Variants in USP9Y observed in about 807,000 individuals in gnomAD.
The protein encoded by USP9Y is ubiquitin specific peptidase 9 Y-linked.
A neutral mutation model predicts 53.1 loss-of-function variants in USP9Y; 41 were observed. The ratio of observed to expected loss-of-function variants is 0.77; its 90% CI spans 0.60 to 1.00. The LOEUF is 1.00. USP9Y is among the 50% of genes least tolerant of loss of function. The pLI is 0.00. For synonymous variants in USP9Y, 220 were observed against 173.7 expected, an observed-to-expected ratio of 1.27 and a Z score of -2.09; for missense variants, 567 against 535.8, an observed-to-expected ratio of 1.06 and a Z score of -0.58.
chrY:12,705,297 TC>T (rs2053418683), intron 1 of USP9Y, among the ~76,000 whole-genome samples: 1 of 33,565 alleles, frequency 3.0e-5, no homozygotes. Context: ...TCTATTTTCA[TC>T]CCATTGTTTT....
Position 12,838,029 on chromosome Y carries a change from C to T in USP9Y, c.5314C>T (p.His1772Tyr), listed in dbSNP as rs748388233. 1.1e-5 allele frequency: 4 copies of T among 378,925 alleles called. No homozygotes were observed. The highest frequency in any genetic ancestry group is 1.5e-5 in the Non-Finnish European group (4 of 268,063). The allele number at this position is 378,925 out of a possible 400,897, so 94.5% of individuals were successfully genotyped here. A position where few individuals can be genotyped will look rare whatever the true frequency, so the allele number is the denominator to read the frequency against. ...GDLLEGANAY[H>Y]CEKCDKKVDT... ...TTTATTGGAAGGTGCAAATGCATAT[C>T]ATTGTGAAAAATGTGATAAAAAGGT... The change falls in exon 35 of 46, where the codon CAT becomes TAT. Residue 1772 changes from histidine (H) to tyrosine (Y), a missense_variant. His to Tyr is a moderately conservative substitution (Grantham distance 83). Coordinates refer to ENST00000338981, the MANE Select transcript of USP9Y (RefSeq NM_004654.4).
intron 42 of USP9Y, among the ~76,000 whole-genome samples, chrY:12,853,012 A>C: frequency 3.0e-5 from 1 of 33,523 alleles, no homozygotes; most frequent in Non-Finnish European, 7.4e-5. Context: ...TTGAGGAGGC[A>C]AACTGTCCAT....
chrY:12,775,847 G>GT (rs2053492061), intron 18 of USP9Y, among the ~76,000 whole-genome samples: 13 of 30,999 alleles, frequency 4.2e-4, no homozygotes, highest in East Asian at 1.7e-3. Flanking sequence ...CTAGGCATTT[G>GT]TTTTTTTTTG....
At chrY:12,723,152 C>T (rs2053437359) in intron 5 of USP9Y, among the ~76,000 whole-genome samples, 1 of 29,253 alleles carries the variant, frequency 3.4e-5, no homozygotes. Flanking sequence ...AGAGTTGAAG[C>T]GTTTTTCTTA....
intron 7 of USP9Y, among the ~76,000 whole-genome samples, chrY:12,727,071 A>C (rs2053443439): frequency 3.0e-5 from 1 of 33,792 alleles, no homozygotes; most frequent in African/African-American, 1.2e-4. Context: ...AGGAGAAGTC[A>C]GTATTTGCTA....
Position 12,760,489 on chromosome Y carries a change from C to A in USP9Y, c.1772C>A (p.Thr591Asn). ...FGEASQNLSQ[T>N]QRSPHIFYRH... ...TTAAGTTCTTCTTATTTCAGTCAAA[C>A]TCAGCGAAGTCCCCACATATTTTAT... The change falls in exon 15 of 46, where the codon ACT becomes AAT. Residue 591 changes from threonine (T) to asparagine (N), a missense_variant. By Grantham distance (65) the Thr-to-Asn change is moderately conservative (BLOSUM62 0). Coordinates refer to ENST00000338981, the MANE Select transcript of USP9Y (RefSeq NM_004654.4). 2.5e-6 allele frequency: 1 copy of A among 397,857 alleles called. No individual in the cohort carries two copies.
chrY:12,846,050 C>A, intron 39 of USP9Y, among the ~76,000 whole-genome samples: 1 of 33,038 alleles, frequency 3.0e-5, no homozygotes, highest in Non-Finnish European at 7.4e-5. Flanking sequence ...CTTCCAGCTT[C>A]TCTAGGCCCT....
intron 7 of USP9Y, among the ~76,000 whole-genome samples, chrY:12,733,836 A>G: frequency 3.0e-5 from 1 of 32,853 alleles, no homozygotes; most frequent in Non-Finnish European, 7.5e-5. Context: ...TGAGCATTTG[A>G]AAAAGCACTT....
chrY:12,703,473 C>T, intron 1 of USP9Y, among the ~76,000 whole-genome samples: 1 of 32,645 alleles, frequency 3.1e-5, no homozygotes, highest in South Asian at 7.2e-4. Context: ...TGTAGGCCTT[C>T]GCAGTGAGCA....
intron 42 of USP9Y, among the ~76,000 whole-genome samples, chrY:12,852,000 G>A (rs2053571554): frequency 3.1e-5 from 1 of 32,365 alleles, no homozygotes; most frequent in Non-Finnish European, 7.5e-5. Context: ...ATGTTCTTGG[G>A]GTTGCTGTTC....
At chrY:12,848,432 A>T (rs111547590) in intron 42 of USP9Y, among the ~76,000 whole-genome samples, 132 of 32,832 alleles carry the variant, frequency 4.0e-3, no homozygotes, top group African/African-American at 0.014. Flanking sequence ...GTTCACTATG[A>T]TGGTAGTTTC....
At chrY:12,721,963 T>A in intron 4 of USP9Y, 145 bp from the exon 5 acceptor site, 1 of 161,357 alleles carries the variant, frequency 6.2e-6, no homozygotes. Context: ...TGCCTACTTC[T>A]TTTTAGAAGT....
intron 45 of USP9Y, 115 bp from the exon 46 acceptor site, chrY:12,859,164 T>A: frequency 9.8e-6 from 2 of 204,363 alleles, no homozygotes; most frequent in Non-Finnish European, 1.6e-5. Flanking sequence ...TTTTTTTTTT[T>A]AAAGATCCAG....
At chrY:12,747,594 C>A in intron 12 of USP9Y, among the ~76,000 whole-genome samples, 1 of 34,255 alleles carries the variant, frequency 2.9e-5, no homozygotes, top group African/African-American at 1.1e-4. Context: ...TAAAAAAATT[C>A]TTTTTCATTA....
Position 12,709,444 on chromosome Y carries a change from A to G in USP9Y, c.-4A>G. 1.0e-5 allele frequency: 4 copies of G among 391,800 alleles called. No individual in the cohort carries two copies. Among genetic ancestry groups the G allele is most frequent in the Non-Finnish European group, 1.4e-5 (4 of 278,912 alleles). ...AAAGAGCAAAGATCTGTGCTGTGTCAAGTATGACAGCCATCACTCATGGCT... is the reference window on the plus strand; with the variant it reads ...AAAGAGCAAAGATCTGTGCTGTGTCGAGTATGACAGCCATCACTCATGGCT... On this transcript the variant is annotated 5_prime_UTR_variant, in exon 3 of 46. Coordinates refer to ENST00000338981, the MANE Select transcript of USP9Y (RefSeq NM_004654.4).
intron 26 of USP9Y, 91 bp from the exon 27 acceptor site, chrY:12,792,941 A>G: frequency 3.3e-6 from 1 of 302,102 alleles, no homozygotes; most frequent in Non-Finnish European, 5.1e-6. Flanking sequence ...GGTCTTTACC[A>G]AGTAGGCAAT....
chrY:12,800,116 G>C (rs1018295029), intron 27 of USP9Y, among the ~76,000 whole-genome samples: 2 of 33,522 alleles, frequency 6.0e-5, no homozygotes, highest in Non-Finnish European at 1.5e-4. Flanking sequence ...TGCCGCTCCC[G>C]ATCAGGCTAG....
At chrY:12,837,317 G>T (rs2148291624) in intron 34 of USP9Y, among the ~76,000 whole-genome samples, 1 of 32,122 alleles carries the variant, frequency 3.1e-5, no homozygotes, top group East Asian at 8.3e-4. Context: ...AGGATGGGGG[G>T]TAGTTTTGGG....
chrY:12,734,378 A>C, intron 7 of USP9Y, among the ~76,000 whole-genome samples: 1 of 33,928 alleles, frequency 2.9e-5, no homozygotes, highest in Non-Finnish European at 7.3e-5. Flanking sequence ...GGGCAAGGAT[A>C]AGTGAAATAA....
Sources: allele counts gnomAD v4.1 joint callset (sites outside exome capture counted in the v4.1 genomes callset), GRCh38; gene constraint gnomAD v4.1.1; transcripts MANE v1.5; gene names NCBI Gene and HGNC (gene_info 2026-07-23, HGNC 2026-07-21).